The following ARL15 variants were observed in gnomAD, a reference collection of about 807,000 sequenced individuals.
ARL15 encodes ADP-ribosylation factor-like protein 15.
ARL15 carries 19 observed loss-of-function variants against 25.2 expected under a neutral mutation model. That is an observed-to-expected ratio of 0.75 (90% CI 0.53 to 1.10). The LOEUF (loss-of-function observed/expected upper bound fraction) is 1.10. ARL15 is among the 50% of genes least tolerant of loss of function. The pLI is 0.00. For missense variants in ARL15, 220 were observed against 246.0 expected, an observed-to-expected ratio of 0.89 and a Z score of 0.71; for synonymous variants, 94 against 86.8, an observed-to-expected ratio of 1.08 and a Z score of -0.46.
chr5:53,990,005 G>C (rs1748432277), intron 4 of ARL15, among the ~76,000 whole-genome samples: 1 of 152,154 alleles, frequency 6.6e-6, no homozygotes, highest in South Asian at 2.1e-4. Flanking sequence ...AGGCTGAGGC[G>C]AGAGGATCAC....
At chr5:53,922,465 G>C (rs1161456148) in intron 4 of ARL15, among the ~76,000 whole-genome samples, 1 of 152,138 alleles carries the variant, frequency 6.6e-6, no homozygotes, top group African/African-American at 2.4e-5. Flanking sequence ...CTAACTTTCT[G>C]TGTAGATAAT....
At chr5:54,026,753 T>G (rs1357432052) in intron 4 of ARL15, among the ~76,000 whole-genome samples, 1 of 152,164 alleles carries the variant, frequency 6.6e-6, no homozygotes, top group African/African-American at 2.4e-5. Flanking sequence ...CCATTATTTT[T>G]GCAACAACAC....
chr5:54,191,678 A>G (rs1056683574), intron 1 of ARL15, among the ~76,000 whole-genome samples: 2 of 152,040 alleles, frequency 1.3e-5, no homozygotes, highest in Admixed American at 6.6e-5. Context: ...TTCTGTCAGC[A>G]ATAGCTTCAA....
At chr5:54,160,412 G>A (rs1331339610) in intron 2 of ARL15, among the ~76,000 whole-genome samples, 5 of 151,710 alleles carry the variant, frequency 3.3e-5, no homozygotes, top group African/African-American at 1.2e-4. Flanking sequence ...TCAATTCAAA[G>A]TGTTCAGTTT....
chr5:53,977,387 T>C lies in ARL15; in HGVS notation c.463-90674A>G, dbSNP rs866533991. On this transcript the variant is annotated intron_variant, in intron 4 of 4. Transcript: ENST00000504924. ...AAAAAAAAAAAAAAATTCCCACTAA[T>C]AGTGTTTTGTTTTGTTTTAATGTAG... Among the ~76,000 whole-genome samples the C allele has an allele frequency of 4.0e-5, 6 of 149,398 alleles. 1 individual carries two copies. The Middle Eastern group carries it at 0.014, about 351-fold the overall frequency.
intron 1 of ARL15, among the ~76,000 whole-genome samples, chr5:54,204,380 T>C (rs1755805409): frequency 6.6e-6 from 1 of 152,196 alleles, no homozygotes; most frequent in Non-Finnish European, 1.5e-5. Flanking sequence ...ATTAGGACTT[T>C]GACTTTTCCT....
rs537999338 is a variant in ARL15, at chr5:54,003,654, T to C, written c.462+109548A>G. On this transcript the variant is annotated intron_variant, in intron 4 of 4. Coordinates refer to ENST00000504924, the MANE Select transcript of ARL15 (RefSeq NM_019087.3). The stretch of plus-strand genomic sequence containing the variant: ...GAATGTCAGAATGTCAGTCAGAAAA[T>C]ATTTTCTTTCTATCTATCTATCTAT... Among the ~76,000 whole-genome samples the C allele has an allele frequency of 7.7e-5, 11 of 143,362 alleles. No homozygotes were observed. The South Asian group carries it at 2.3e-3, about 29-fold the overall frequency. The allele number at this position is 143,362 out of a possible 152,430, so 94.1% of individuals were successfully genotyped here.
chr5:54,142,710 G>T (rs944259630), intron 3 of ARL15, among the ~76,000 whole-genome samples: 1 of 151,998 alleles, frequency 6.6e-6, no homozygotes, highest in Non-Finnish European at 1.5e-5. Context: ...ATAGTGTGGG[G>T]ATAAAAACTA....
At position 54,163,998 on chromosome 5, in the gene ARL15, CT is replaced by C. The variant is rs562915839; in HGVS notation, c.193+7785del. Among the ~76,000 whole-genome samples the C allele has an allele frequency of 3.9e-3, 589 of 152,072 alleles. 1 individual carries two copies. The highest frequency in any genetic ancestry group is 6.0e-3 in the Non-Finnish European group (406 of 67,896). The stretch of plus-strand genomic sequence containing the variant: ...CTGAGGTCATTGATTTGAGGCCCTT[CT>C]TTTCTGAATAGACATTTAGTGGTAT... On this transcript the variant is annotated intron_variant, in intron 2 of 4. Transcript: ENST00000504924.
At chr5:53,950,893 G>A (rs540272849) in intron 4 of ARL15, among the ~76,000 whole-genome samples, 3 of 152,322 alleles carry the variant, frequency 2.0e-5, no homozygotes, top group East Asian at 1.9e-4. Context: ...GGAACACTGA[G>A]ACTAAGAAAT....
At position 54,247,580 on chromosome 5, in the gene ARL15, A is replaced by G. The variant is rs74930438; in HGVS notation, c.48+62852T>C. ...CAAAGAATGGGAGGAAAGGAAGAGA[A>G]AAAAAAAAAAAAAACCCGAACACGT... On this transcript the variant is annotated intron_variant, in intron 1 of 4. Transcript: ENST00000504924. Among the ~76,000 whole-genome samples the G allele has an allele frequency of 5.5e-3, 825 of 149,382 alleles. 5 individuals are homozygous for G. Among genetic ancestry groups the G allele is most frequent in the Non-Finnish European group, 7.2e-3 (486 of 67,052 alleles).
chr5:53,903,067 C>T (rs1009006180), intron 4 of ARL15, among the ~76,000 whole-genome samples: 4 of 151,964 alleles, frequency 2.6e-5, no homozygotes, highest in Non-Finnish European at 5.9e-5. Flanking sequence ...GCTTGCAGGC[C>T]GTCTAAAGAA....
Position 53,970,961 on chromosome 5 carries a change from C to T in ARL15, c.463-84248G>A, listed in dbSNP as rs3776737. On this transcript the variant is annotated intron_variant, in intron 4 of 4. Transcript: ENST00000504924. ...GATGTTATAGTTGGGAGACATTTCA[C>T]TTTATAAATAATAGAAAAATACCTA... Among the ~76,000 whole-genome samples, 34 of 152,054 alleles carry T rather than the reference C, an allele frequency of 2.2e-4. No individual in the cohort carries two copies. The East Asian group carries it at 5.6e-3, about 25-fold the overall frequency.
At chr5:54,248,601 G>C (rs1757155748) in intron 1 of ARL15, among the ~76,000 whole-genome samples, 3 of 152,244 alleles carry the variant, frequency 2.0e-5, no homozygotes, top group Middle Eastern at 3.4e-3. Flanking sequence ...ACCACCATCT[G>C]ACATTCTTTC....
In ARL15 at chr5:54,275,901, G is replaced by T. The variant is rs1288504001; in HGVS notation, c.48+34531C>A. 4.7e-5 allele frequency among the ~76,000 whole-genome samples: 7 copies of T among 147,776 alleles called. No individual in the cohort carries two copies. The East Asian group carries it at 1.4e-3, about 29-fold the overall frequency. On this transcript the variant is annotated intron_variant, in intron 1 of 4. Coordinates refer to ENST00000504924, the MANE Select transcript of ARL15 (RefSeq NM_019087.3). ...GTAGAGATGGGGTTTCACCATGTTA[G>T]CCAGGATGGTCTCGATCTCCTGACC...
chr5:54,110,988 C>A (rs1405524083), intron 4 of ARL15, among the ~76,000 whole-genome samples: 1 of 151,944 alleles, frequency 6.6e-6, no homozygotes, highest in Non-Finnish European at 1.5e-5. Context: ...AGGATATATC[C>A]TTTTCTTTTT....
intron 1 of ARL15, among the ~76,000 whole-genome samples, chr5:54,239,354 G>T (rs1362062805): frequency 6.6e-6 from 1 of 151,920 alleles, no homozygotes; most frequent in Non-Finnish European, 1.5e-5. Context: ...GTATCAGTTG[G>T]AAAAGACTCT....
intron 1 of ARL15, among the ~76,000 whole-genome samples, chr5:54,284,054 G>GT (rs1323982882): frequency 2.0e-5 from 3 of 152,178 alleles, no homozygotes; most frequent in Non-Finnish European, 4.4e-5. Context: ...TGACAGCAGA[G>GT]TTGCCATTCC....
intron 4 of ARL15, among the ~76,000 whole-genome samples, chr5:54,014,828 C>T (rs1749362305): frequency 6.6e-6 from 1 of 151,978 alleles, no homozygotes; most frequent in African/African-American, 2.4e-5. Flanking sequence ...TTCTGAGCTC[C>T]TGAACCCCTT....
Sources: allele counts gnomAD v4.1 joint callset (sites outside exome capture counted in the v4.1 genomes callset), GRCh38; gene constraint gnomAD v4.1.1; transcripts MANE v1.5; gene names NCBI Gene and HGNC (gene_info 2026-07-23, HGNC 2026-07-21).